The following CELF2 variants were observed in gnomAD, a reference collection of about 807,000 sequenced individuals.
The protein encoded by CELF2 is CUG triplet repeat RNA-binding protein 2.
A neutral mutation model predicts 62.6 loss-of-function variants in CELF2; 8 were observed. The ratio of observed to expected loss-of-function variants is 0.13; its 90% CI spans 0.07 to 0.23. CELF2 has a LOEUF of 0.23. Ranked by LOEUF, CELF2 falls within the 10% of genes least tolerant of loss-of-function variation. CELF2 has a pLI of 1.00. For missense variants in CELF2, 333 were observed against 671.0 expected, an observed-to-expected ratio of 0.50 and a Z score of 5.56; for synonymous variants, 258 against 250.0, an observed-to-expected ratio of 1.03 and a Z score of -0.30.
the CELF2 span, among the ~76,000 whole-genome samples, chr10:10,472,103 T>A: frequency 3.5e-4 from 53 of 151,884 alleles, no homozygotes; most frequent in Non-Finnish European, 6.8e-4. Context: ...CTGTTTGACA[T>A]TCATTAAGTT....
chr10:10,618,772 A>G, the CELF2 span, among the ~76,000 whole-genome samples: 3 of 152,182 alleles, frequency 2.0e-5, no homozygotes, highest in African/African-American at 7.2e-5. Context: ...GTTTAAAAGT[A>G]GAGGTTTGAT....
At position 11,275,049 on chromosome 10, in the gene CELF2, A is replaced by T. The variant is rs775569259; in HGVS notation, c.778-8A>T. ...GTCTCCACTTTGCCCTTGTGTGTTC[A>T]TCCGCAGCTCCTGCAGCAGGCCACC... On this transcript the variant is annotated splice_polypyrimidine_tract_variant and splice_region_variant and intron_variant, in intron 7 of 12. Transcript: ENST00000633077. The T allele has an allele frequency of 1.2e-6, 2 of 1,614,054 alleles. No individual in the cohort carries two copies. Among genetic ancestry groups the T allele is most frequent in the South Asian group, 1.1e-5 (1 of 91,080 alleles).
chr10:11,165,765 G>T lies in CELF2; in HGVS notation c.271+83G>T. 2 of 1,325,308 alleles carry T rather than the reference G, an allele frequency of 1.5e-6. No individual in the cohort carries two copies. The highest frequency in any genetic ancestry group is 2.4e-5 in the Admixed American group (1 of 41,828). The allele number at this position is 1,325,308 out of a possible 1,614,324, so 82.1% of individuals were successfully genotyped here. On this transcript the variant is annotated intron_variant, in intron 2 of 12. Transcript: ENST00000633077. The surrounding 1 kb of genome is among the most constrained non-coding windows in gnomAD (Gnocchi z 7.4). ...GGCTGTCCGAGCCCCCAGCCTGCAGGAGGAAGGGCGGGTAGGCAGGAGGGC... is the reference window on the plus strand; with the variant it reads ...GGCTGTCCGAGCCCCCAGCCTGCAGTAGGAAGGGCGGGTAGGCAGGAGGGC...
the CELF2 span, among the ~76,000 whole-genome samples, chr10:10,607,561 G>T: frequency 6.6e-6 from 1 of 152,300 alleles, no homozygotes; most frequent in South Asian, 2.1e-4. Flanking sequence ...TGTAAGAAAG[G>T]GATGGGAGGG....
the CELF2 span, among the ~76,000 whole-genome samples, chr10:10,691,811 A>C: frequency 1.4e-5 from 2 of 147,158 alleles, no homozygotes; most frequent in African/African-American, 2.5e-5. Flanking sequence ...TCTTCTTTTG[A>C]GAAGTGTCTG....
At chr10:10,807,727 A>G (rs2055378606) in intron 1 of CELF2, among the ~76,000 whole-genome samples, 1 of 152,212 alleles carries the variant, frequency 6.6e-6, no homozygotes, top group African/African-American at 2.4e-5. Context: ...CAATATTCCA[A>G]ACAAAAGCCA....
chr10:11,328,760 AT>A lies in CELF2; in HGVS notation c.1439-165del, dbSNP rs1211212189. On this transcript the variant is annotated intron_variant, in intron 12 of 12. Coordinates refer to ENST00000633077, the MANE Select transcript of CELF2 (RefSeq NM_001326342.2). The surrounding 1 kb of genome is among the most constrained non-coding windows in gnomAD (Gnocchi z 6.4). ...CACAGCTGCTCAGTGGGCACGCCCC[AT>A]CATCCACTCACGGTGGACTCACGAT... Among the ~76,000 whole-genome samples, 2 of 150,374 alleles carry A rather than the reference AT, an allele frequency of 1.3e-5. No homozygotes were observed. Among genetic ancestry groups the A allele is most frequent in the African/African-American group, 5.0e-5 (2 of 39,778 alleles).
chr10:10,774,769 G>T, the CELF2 span, among the ~76,000 whole-genome samples: 2 of 152,154 alleles, frequency 1.3e-5, no homozygotes, highest in South Asian at 4.1e-4. Flanking sequence ...AGGATGGTGT[G>T]GTGAGAAGGG....
intron 1 of CELF2, among the ~76,000 whole-genome samples, chr10:10,823,624 AC>A (rs1218188031): frequency 3.9e-5 from 6 of 152,322 alleles, no homozygotes; most frequent in South Asian, 4.1e-4. Flanking sequence ...AATGTAAAAA[AC>A]ATCAACATAA....
At chr10:11,195,500 A>T (rs1036556518) in intron 2 of CELF2, among the ~76,000 whole-genome samples, 4 of 152,230 alleles carry the variant, frequency 2.6e-5, no homozygotes, top group Admixed American at 1.3e-4. Context: ...GGCGGATGGC[A>T]GTGCTTCTTG....
intron 1 of CELF2, among the ~76,000 whole-genome samples, chr10:10,855,465 G>C (rs1301000320): frequency 6.6e-6 from 1 of 152,206 alleles, no homozygotes; most frequent in Non-Finnish European, 1.5e-5. Flanking sequence ...GAAATACAGT[G>C]CCCTGTCACC....
chr10:10,996,089 G>A (rs2053919734), intron 2 of CELF2, among the ~76,000 whole-genome samples: 1 of 152,150 alleles, frequency 6.6e-6, no homozygotes, highest in South Asian at 2.1e-4. Flanking sequence ...TGCAAATGTA[G>A]AGTTTCTAAT....
At chr10:11,074,020 C>T (rs977784783) in intron 1 of CELF2, among the ~76,000 whole-genome samples, 1 of 152,130 alleles carries the variant, frequency 6.6e-6, no homozygotes. Context: ...TGCCACAGCC[C>T]TCGAGGGTCT....
chr10:10,707,764 G>A, the CELF2 span, among the ~76,000 whole-genome samples: 1 of 152,122 alleles, frequency 6.6e-6, no homozygotes, highest in African/African-American at 2.4e-5. Flanking sequence ...CAGGCATTGC[G>A]TGCCTGAGAT....
At chr10:10,798,678 G>T in exon 1 of CELF2, 1 of 398,832 alleles carries the variant, frequency 2.5e-6, no homozygotes, top group East Asian at 3.6e-5. Context: ...CCAGGGCCCG[G>T]CCTGGGTCCA....
intron 1 of CELF2, among the ~76,000 whole-genome samples, chr10:10,903,946 G>A (rs1191188965): frequency 6.6e-6 from 1 of 152,184 alleles, no homozygotes; most frequent in East Asian, 1.9e-4. Flanking sequence ...CAGGCTGTGG[G>A]TGTGATGAGT....
chr10:10,677,895 A>G, the CELF2 span, among the ~76,000 whole-genome samples: 1 of 152,210 alleles, frequency 6.6e-6, no homozygotes, highest in Admixed American at 6.5e-5. Context: ...TATATGAACA[A>G]TGGAATCAGA....
intron 2 of CELF2, among the ~76,000 whole-genome samples, chr10:11,189,564 C>G (rs2075819532): frequency 6.6e-6 from 1 of 152,186 alleles, no homozygotes; most frequent in South Asian, 2.1e-4. Flanking sequence ...TTCCTCTTTG[C>G]TACTCTTTAC....
chr10:10,543,204 T>C, the CELF2 span, among the ~76,000 whole-genome samples: 1 of 152,164 alleles, frequency 6.6e-6, no homozygotes, highest in Non-Finnish European at 1.5e-5. Flanking sequence ...GGTAGAGAAA[T>C]GGTTGGTCTC....
Sources: allele counts gnomAD v4.1 joint callset (sites outside exome capture counted in the v4.1 genomes callset), GRCh38; gene constraint gnomAD v4.1.1; non-coding constraint Gnocchi (gnomAD v3.1); transcripts MANE v1.5; gene names NCBI Gene and HGNC (gene_info 2026-07-23, HGNC 2026-07-21).